KCNIP4: variants seen among roughly 807,000 people sequenced by gnomAD.
KCNIP4 encodes the protein potassium voltage-gated channel interacting protein 4.
In KCNIP4, 12 loss-of-function variants were observed where a neutral mutation model predicts 34.0. That is an observed-to-expected ratio of 0.35 (90% confidence interval 0.23 to 0.57). The LOEUF is 0.57. Among genes scored for constraint, KCNIP4 ranks in the 20% least tolerant of loss-of-function variants. KCNIP4 has a pLI of 0.83. For synonymous variants in KCNIP4, 124 were observed against 102.2 expected (o/e 1.21, Z -1.29); for missense variants, 238 against 311.7 (o/e 0.76, Z 1.78).
chr4:21,100,232 A>T (rs1747816295), intron 1 of KCNIP4, among the ~76,000 whole-genome samples: 2 of 152,178 alleles, frequency 1.3e-5, no homozygotes, highest in Non-Finnish European at 2.9e-5. Context: ...GTGGGGAAAC[A>T]AATTTCACTG....
At chr4:21,770,086 A>C (rs1718677398) in intron 1 of KCNIP4, among the ~76,000 whole-genome samples, 1 of 151,936 alleles carries the variant, frequency 6.6e-6, no homozygotes, top group African/African-American at 2.4e-5. Flanking sequence ...GGTTTGCTGC[A>C]CCTATTGACT....
chr4:21,517,976 T>A (rs1317879183), intron 1 of KCNIP4, among the ~76,000 whole-genome samples: 1 of 152,160 alleles, frequency 6.6e-6, no homozygotes, highest in East Asian at 1.9e-4. Flanking sequence ...GTGGTATTAT[T>A]CTTCCCATCT....
intron 2 of KCNIP4, among the ~76,000 whole-genome samples, chr4:20,868,101 C>A (rs1723054827): frequency 6.6e-6 from 1 of 151,934 alleles, no homozygotes; most frequent in South Asian, 2.1e-4. Context: ...ATGTATCCAA[C>A]AAAGGCCTAA....
intron 1 of KCNIP4, among the ~76,000 whole-genome samples, chr4:21,233,708 A>G (rs1758965102): frequency 6.6e-6 from 1 of 151,026 alleles, no homozygotes. Context: ...TTTCTTAGAG[A>G]CATTCATAAA....
intron 1 of KCNIP4, among the ~76,000 whole-genome samples, chr4:21,145,595 G>A (rs1349122509): frequency 6.6e-6 from 1 of 152,170 alleles, no homozygotes; most frequent in Non-Finnish European, 1.5e-5. Context: ...TGGGCACTGT[G>A]GTCTGTACAA....
At position 20,729,981 on chromosome 4, in the gene KCNIP4, A is replaced by C; in HGVS notation, c.*101T>G. On this transcript the variant is annotated 3_prime_UTR_variant, in exon 9 of 9. Transcript: ENST00000382152. ...AAAGCTTGTTTGCATAATATGCTTC[A>C]GTGTCAAGCTGAGCAATCTATGCTA... 7.6e-7 allele frequency: 1 copy of C among 1,317,216 alleles called. No individual in the cohort carries two copies. Among genetic ancestry groups the C allele is most frequent in the Non-Finnish European group, 1.0e-6 (1 of 978,858 alleles). The allele number at this position is 1,317,216 out of a possible 1,614,324, so 81.6% of individuals were successfully genotyped here.
intron 1 of KCNIP4, among the ~76,000 whole-genome samples, chr4:21,109,511 T>G (rs1363917434): frequency 6.6e-6 from 1 of 152,156 alleles, no homozygotes. Context: ...TGTCACCCCT[T>G]TCTTTGACTA....
At chr4:21,678,347 G>A (rs2109020037) in intron 1 of KCNIP4, among the ~76,000 whole-genome samples, 1 of 110,638 alleles carries the variant, frequency 9.0e-6, no homozygotes, top group East Asian at 2.9e-4. Context: ...TAACAATGCA[G>A]AGGCAATTCT....
At chr4:21,100,308 TGGGAGGCCAAGCC>T in intron 1 of KCNIP4, among the ~76,000 whole-genome samples, 1 of 152,100 alleles carries the variant, frequency 6.6e-6, no homozygotes. Flanking sequence ...CCCAGCACTT[TGGGAGGCCAAGCC>T]GGGCAGATTA....
chr4:21,313,439 T>C (rs6812694), intron 1 of KCNIP4, among the ~76,000 whole-genome samples: 112,557 of 152,128 alleles, frequency 0.74, 42,607 homozygotes, highest in African/African-American at 0.91. Flanking sequence ...ATTATTCATG[T>C]TTATATGCTG....
At position 21,447,538 on chromosome 4, in the gene KCNIP4, C is replaced by G. The variant is rs137957002; in HGVS notation, c.61+501033G>C. Among the ~76,000 whole-genome samples, 80 of 152,240 alleles carry G rather than the reference C, an allele frequency of 5.3e-4. No individual in the cohort carries two copies. In the Middle Eastern group the frequency reaches 0.01, roughly 19 times the overall value. ...CTGCAGGGGATACATTCCAAGCCCC[C>G]TAGTGGATGCCTGAACCACAGATAG... On this transcript the variant is annotated intron_variant, in intron 1 of 8. Coordinates refer to ENST00000382152, the MANE Select transcript of KCNIP4 (RefSeq NM_025221.6).
chr4:21,560,410 T>G (rs1739418323), intron 1 of KCNIP4, among the ~76,000 whole-genome samples: 1 of 152,136 alleles, frequency 6.6e-6, no homozygotes. Context: ...AAGTGCCTAT[T>G]ATAGATCAAA....
intron 1 of KCNIP4, among the ~76,000 whole-genome samples, chr4:21,253,885 C>T (rs1303562861): frequency 2.0e-5 from 3 of 152,138 alleles, no homozygotes; most frequent in Non-Finnish European, 2.9e-5. Context: ...AAATGGATTA[C>T]TGATATGCTA....
intron 1 of KCNIP4, among the ~76,000 whole-genome samples, chr4:20,932,743 T>C (rs7676308): frequency 0.13 from 20,453 of 152,100 alleles, 1,950 homozygotes; most frequent in African/African-American, 0.28. Flanking sequence ...CAACTTTCAG[T>C]TTTTAAAGAT....
rs1736203376 is a variant in KCNIP4 at position 21,528,675 on chromosome 4, CAAAGAAAGAAAGAAAGAAAGAAAGAAA to C, written c.61+419869_61+419895del. On this transcript the variant is annotated intron_variant, in intron 1 of 8. Transcript: ENST00000382152. ...GAGGGAGACTCTGTCTCATAAAAAA[CAAAGAAAGAAAGAAAGAAAGAAAGAAA>C]GAAAGAAAGAAAGAAAGAAAGAAAG... 3.8e-4 allele frequency among the ~76,000 whole-genome samples: 32 copies of C among 84,254 alleles called. 1 individual carries two copies. The highest frequency in any genetic ancestry group is 1.6e-3 in the African/African-American group (32 of 20,054). 55.3% of individuals were successfully genotyped at this position (84,254 alleles called of 152,430 possible). A position where few individuals can be genotyped will look rare whatever the true frequency, so the allele number is the denominator to read the frequency against.
intron 1 of KCNIP4, among the ~76,000 whole-genome samples, chr4:20,947,619 GATT>G (rs1732324358): frequency 6.6e-6 from 1 of 152,148 alleles, no homozygotes; most frequent in African/African-American, 2.4e-5. Flanking sequence ...TATTGCCGCT[GATT>G]AAAATAACCT....
intron 1 of KCNIP4, among the ~76,000 whole-genome samples, chr4:21,773,794 A>G (rs1352608664): frequency 7.2e-6 from 1 of 138,404 alleles, no homozygotes; most frequent in African/African-American, 3.1e-5. Flanking sequence ...CATTTGCTTC[A>G]TAAATTTTCC....
chr4:21,620,094 A>G (rs1166618055), intron 1 of KCNIP4, among the ~76,000 whole-genome samples: 1 of 152,254 alleles, frequency 6.6e-6, no homozygotes, highest in African/African-American at 2.4e-5. Flanking sequence ...GACTGAGCAC[A>G]TTAATAATTA....
rs7437770 is a variant in KCNIP4, at chr4:21,569,915, T to A, written c.61+378656A>T. Among the ~76,000 whole-genome samples the A allele has an allele frequency of 4.0e-3, 603 of 152,074 alleles. 4 individuals are homozygous for A. The highest frequency in any genetic ancestry group is 5.4e-3 in the Non-Finnish European group (365 of 67,974). On this transcript the variant is annotated intron_variant, in intron 1 of 8. Coordinates refer to ENST00000382152, the MANE Select transcript of KCNIP4 (RefSeq NM_025221.6). ...CTAGACCACTGAGGGGGCCTGGCTGTTTTTTTACACATCTCAGAGGGGCTC... is the reference window on the plus strand; with the variant it reads ...CTAGACCACTGAGGGGGCCTGGCTGATTTTTTACACATCTCAGAGGGGCTC...
Sources: allele counts gnomAD v4.1 joint callset (sites outside exome capture counted in the v4.1 genomes callset), GRCh38; gene constraint gnomAD v4.1.1; transcripts MANE v1.5; gene names NCBI Gene and HGNC (gene_info 2026-07-23, HGNC 2026-07-21).